DLG2: variants seen among roughly 807,000 people sequenced by gnomAD.
The protein encoded by DLG2 is discs large MAGUK scaffold protein 2.
Under a neutral mutation model 132.5 loss-of-function variants are expected in DLG2, and 45 were observed. The ratio of observed to expected loss-of-function variants is 0.34; its 90% CI spans 0.27 to 0.44. The LOEUF is 0.44. Among genes scored for constraint, DLG2 ranks in the 20% least tolerant of loss-of-function variants. The pLI is 1.00. For synonymous variants in DLG2, 424 were observed against 419.6 expected (o/e 1.01, Z -0.13); for missense variants, 1,045 against 1,196.9 (o/e 0.87, Z 1.87).
chr11:84,781,057 ATGTGTG>A (rs35479707), intron 6 of DLG2, among the ~76,000 whole-genome samples: 107 of 143,024 alleles, frequency 7.5e-4, no homozygotes, highest in Middle Eastern at 3.6e-3. Context: ...TCATAACTTA[ATGTGTG>A]TGTGTGTGTG....
intron 3 of DLG2, among the ~76,000 whole-genome samples, chr11:85,415,827 T>C (rs1445376839): frequency 1.3e-5 from 2 of 152,164 alleles, no homozygotes; most frequent in Non-Finnish European, 2.9e-5. Flanking sequence ...TGATAGTATC[T>C]ATCATCAGAT....
chr11:85,228,642 C>G (rs1453851786), intron 4 of DLG2, among the ~76,000 whole-genome samples: 4 of 151,860 alleles, frequency 2.6e-5, no homozygotes, highest in Admixed American at 6.6e-5. Context: ...AGCTACTCAG[C>G]TTTTCTCTTC....
intron 8 of DLG2, among the ~76,000 whole-genome samples, chr11:84,188,531 G>T (rs1319339803): frequency 6.6e-6 from 1 of 152,116 alleles, no homozygotes; most frequent in Non-Finnish European, 1.5e-5. Flanking sequence ...TTAACTCCTG[G>T]TTCCAGACTC....
At chr11:83,844,526 C>T (rs890836767) in intron 16 of DLG2, among the ~76,000 whole-genome samples, 1 of 109,522 alleles carries the variant, frequency 9.1e-6, no homozygotes, top group Non-Finnish European at 1.7e-5. Flanking sequence ...TTAGCTTAGG[C>T]AACAGAGTGA....
intron 3 of DLG2, among the ~76,000 whole-genome samples, chr11:85,489,481 T>G (rs2093508156): frequency 6.6e-6 from 1 of 152,114 alleles, no homozygotes; most frequent in Non-Finnish European, 1.5e-5. Context: ...ACACCCCCAC[T>G]GATAACACTA....
chr11:85,566,596 A>G (rs1158857150), intron 3 of DLG2, among the ~76,000 whole-genome samples: 2 of 152,094 alleles, frequency 1.3e-5, no homozygotes, highest in Admixed American at 1.3e-4. Context: ...ATATATTCAT[A>G]TGGCAGAAAG....
At chr11:85,501,068 T>G (rs993578842) in intron 3 of DLG2, among the ~76,000 whole-genome samples, 2 of 151,758 alleles carry the variant, frequency 1.3e-5, no homozygotes, top group Non-Finnish European at 2.9e-5. Flanking sequence ...TACCAAAACA[T>G]ATATATAAAC....
chr11:84,207,416 A>G (rs2096685529), intron 8 of DLG2, among the ~76,000 whole-genome samples: 1 of 152,112 alleles, frequency 6.6e-6, no homozygotes, highest in Non-Finnish European at 1.5e-5. Flanking sequence ...ACTTACTAAG[A>G]CAGTATGGTA....
intron 3 of DLG2, among the ~76,000 whole-genome samples, chr11:85,507,571 G>T (rs573771319): frequency 4.6e-5 from 7 of 152,190 alleles, no homozygotes; most frequent in African/African-American, 1.7e-4. Context: ...AGTTTCTGCC[G>T]AGAGATCAGC....
At chr11:84,207,059 ATCTCTC>A (rs35772503) in intron 8 of DLG2, among the ~76,000 whole-genome samples, 2 of 145,512 alleles carry the variant, frequency 1.4e-5, no homozygotes, top group African/African-American at 2.5e-5. Flanking sequence ...ATAAGAATAA[ATCTCTC>A]TCTCTCTCTC....
At chr11:84,668,366 T>C (rs2099702118) in intron 6 of DLG2, among the ~76,000 whole-genome samples, 1 of 152,180 alleles carries the variant, frequency 6.6e-6, no homozygotes, top group South Asian at 2.1e-4. Context: ...AGTTTAAAGA[T>C]AGGTTTTGTC....
At chr11:84,110,670 C>G (rs1325302452) in intron 9 of DLG2, among the ~76,000 whole-genome samples, 1 of 152,126 alleles carries the variant, frequency 6.6e-6, no homozygotes, top group East Asian at 1.9e-4. Flanking sequence ...AGAGAAAAGG[C>G]CCCACCTGAG....
At chr11:85,583,720 G>A (rs978927039) in intron 3 of DLG2, among the ~76,000 whole-genome samples, 2 of 152,160 alleles carry the variant, frequency 1.3e-5, no homozygotes, top group Admixed American at 6.5e-5. Flanking sequence ...AAGCCTATGA[G>A]ATACTCATGA....
chr11:84,392,562 ATTC>A (rs2098796280), intron 7 of DLG2, among the ~76,000 whole-genome samples: 1 of 152,198 alleles, frequency 6.6e-6, no homozygotes, highest in Non-Finnish European at 1.5e-5. Flanking sequence ...ATTTTGGTCT[ATTC>A]TTGTAATAAT....
chr11:84,037,635 T>C (rs571542622), intron 11 of DLG2, among the ~76,000 whole-genome samples: 5 of 150,990 alleles, frequency 3.3e-5, no homozygotes, highest in Non-Finnish European at 5.9e-5. Flanking sequence ...ATGTACTCCC[T>C]GTCTTTAGCA....
chr11:84,261,204 G>T (rs752461312), intron 7 of DLG2, among the ~76,000 whole-genome samples: 13 of 152,084 alleles, frequency 8.5e-5, no homozygotes, highest in Non-Finnish European at 1.6e-4. Flanking sequence ...ACACAATGTG[G>T]GATCACTAAA....
At chr11:84,369,040 G>C (rs1032080804) in intron 7 of DLG2, among the ~76,000 whole-genome samples, 1 of 151,926 alleles carries the variant, frequency 6.6e-6, no homozygotes, top group Non-Finnish European at 1.5e-5. Flanking sequence ...GTTAAATCAC[G>C]TATCCATCCC....
chr11:84,431,429 G>A (rs1234315444), intron 7 of DLG2, among the ~76,000 whole-genome samples: 1 of 152,052 alleles, frequency 6.6e-6, no homozygotes, highest in Non-Finnish European at 1.5e-5. Flanking sequence ...AACCATTGTT[G>A]TTTAGACATA....
chr11:84,511,259 GTAAAATGTTATTCTATTCT>G (rs1324998062), intron 7 of DLG2, among the ~76,000 whole-genome samples: 2 of 151,906 alleles, frequency 1.3e-5, no homozygotes, highest in Non-Finnish European at 2.9e-5. Flanking sequence ...TTAAGGTACA[GTAAAATGTTATTCTATTCT>G]TACTTCAATT....
Sources: gnomAD v4.1 joint callset for allele counts (sites outside exome capture counted in the v4.1 genomes callset) on GRCh38, gnomAD v4.1.1 for gene constraint, MANE v1.5 for transcripts, NCBI Gene and HGNC (gene_info 2026-07-23, HGNC 2026-07-21) for gene names.